LRRK2: variants seen among roughly 807,000 people sequenced by gnomAD.
The protein encoded by LRRK2 is leucine rich repeat kinase 2, also known as leucine-rich repeat serine/threonine-protein kinase 2.
LRRK2 carries 203 observed loss-of-function variants against 302.6 expected under a neutral mutation model. That is an observed-to-expected ratio of 0.67 (90% CI 0.60 to 0.75). LRRK2 has a LOEUF of 0.75. Among genes scored for constraint, LRRK2 ranks in the 30% least tolerant of loss-of-function variants. The pLI is 0.00. For missense variants in LRRK2, 2,830 were observed against 2,951.0 expected (o/e 0.96, Z 0.95); for synonymous variants, 1,066 against 1,031.9 (o/e 1.03, Z -0.63).
At chr12:40,251,675 G>A (rs1942280935) in intron 10 of LRRK2, 131 bp downstream of exon 10, 18 of 758,706 alleles carry the variant, frequency 2.4e-5, no homozygotes, top group African/African-American at 3.5e-5. Context: ...AGATGTTGCT[G>A]CAAAATAGTA....
At chr12:40,300,447 T>A (rs1032893118) in intron 25 of LRRK2, among the ~76,000 whole-genome samples, 9 of 152,242 alleles carry the variant, frequency 5.9e-5, no homozygotes, top group African/African-American at 1.7e-4. Context: ...GTGTTTATTC[T>A]ATACCTGACT....
intron 13 of LRRK2, among the ~76,000 whole-genome samples, chr12:40,260,861 A>T (rs1942739766): frequency 6.6e-6 from 1 of 152,168 alleles, no homozygotes; most frequent in Non-Finnish European, 1.5e-5. Context: ...ATGAGGGATG[A>T]TACTTTGTTC....
chr12:40,235,485 G>A (rs1171310468), intron 3 of LRRK2, 141 bp from the exon 4 acceptor site: 4 of 661,676 alleles, frequency 6.0e-6, no homozygotes, highest in Middle Eastern at 4.0e-4. Context: ...CTAAAAGCAG[G>A]CAACAAAAAC....
intron 33 of LRRK2, among the ~76,000 whole-genome samples, 174 bp downstream of exon 33, chr12:40,315,474 A>G (rs1347887169): frequency 6.6e-6 from 1 of 152,068 alleles, no homozygotes; most frequent in African/African-American, 2.4e-5. Context: ...TCATGGAAGA[A>G]GGAAAGATGT....
At chr12:40,284,688 T>G (rs1334946066) in intron 19 of LRRK2, among the ~76,000 whole-genome samples, 1 of 152,148 alleles carries the variant, frequency 6.6e-6, no homozygotes, top group Non-Finnish European at 1.5e-5. Context: ...AGTTACCATC[T>G]TCTGACACTA....
rs1946463038 is a variant in LRRK2 at position 40,354,376 on chromosome 12, G to A, written c.6654G>A (p.Gly2218=). ...AAAAGGAAAGCTGGATTGTGTCTGGGACACAGTCTGGTACTCTCCTGGTCA... is the reference window on the plus strand; with the variant it reads ...AAAAGGAAAGCTGGATTGTGTCTGGAACACAGTCTGGTACTCTCCTGGTCA... ...PVEKESWIVS[G]TQSGTLLVIN... is the part of the protein sequence containing the mutation. Residue 2218 remains glycine (G), a synonymous_variant, in exon 45 of 51, where the codon GGG becomes GGA. Coordinates refer to ENST00000298910, the MANE Select transcript of LRRK2 (RefSeq NM_198578.4). 1 of 1,613,984 alleles carries A rather than the reference G, an allele frequency of 6.2e-7. No homozygotes were observed. The highest frequency in any genetic ancestry group is 1.7e-5 in the Admixed American group (1 of 60,004).
intron 21 of LRRK2, among the ~76,000 whole-genome samples, chr12:40,294,642 G>T (rs959106139): frequency 6.6e-6 from 1 of 152,026 alleles, no homozygotes; most frequent in African/African-American, 2.4e-5. Flanking sequence ...AGGAGAAAGA[G>T]TAGATGCTTT....
At chr12:40,242,136 G>C (rs1275556118) in intron 6 of LRRK2, among the ~76,000 whole-genome samples, 1 of 152,034 alleles carries the variant, frequency 6.6e-6, no homozygotes, top group Non-Finnish European at 1.5e-5. Flanking sequence ...GAAATCAAAA[G>C]TTTTTAAAAC....
chr12:40,309,505 T>G (rs538174222), intron 30 of LRRK2, among the ~76,000 whole-genome samples: 1 of 152,258 alleles, frequency 6.6e-6, no homozygotes, highest in South Asian at 2.1e-4. Flanking sequence ...TCAACTGTTT[T>G]TTAATTATAT....
chr12:40,303,812 A>G (rs898738273), intron 26 of LRRK2, 136 bp from the exon 27 acceptor site: 3 of 812,402 alleles, frequency 3.7e-6, no homozygotes, highest in Non-Finnish European at 4.1e-6. Flanking sequence ...CTCAAATCAC[A>G]TGCATACTCA....
chr12:40,303,970 A>G lies in LRRK2; in HGVS notation c.3613A>G (p.Ser1205Gly). ...TAGCTTGCGGTCTTTAGATATGAGC[A>G]GCAATGATATTCAGTACCTACCAGG... is the stretch of plus-strand genomic sequence containing the variant. ...LPHLRSLDMS[S>G]NDIQYLPGPA... is the part of the protein sequence containing the mutation. Residue 1205 changes from serine (S) to glycine (G), a missense_variant, in exon 27 of 51, where the codon AGC becomes GGC. Coordinates refer to ENST00000298910, the MANE Select transcript of LRRK2 (RefSeq NM_198578.4). 6.2e-7 allele frequency: 1 copy of G among 1,613,766 alleles called. No homozygotes were observed. Among genetic ancestry groups the G allele is most frequent in the Non-Finnish European group, 8.5e-7 (1 of 1,179,758 alleles).
rs147801391 is a variant in LRRK2, at chr12:40,280,621, T to TTAAATAAAATAAAATAAAATAAAATAAAA, written c.2241+2364_2241+2365insTAAAATAAAATAAAATAAAATAAAATAAA. ...GCCTAGGCAACAGAGCCAGACCCTG[T>TTAAATAAAATAAAATAAAATAAAATAAAA]TAAAATAAAATAAAATAAAATAAAA... On this transcript the variant is annotated intron_variant, in intron 18 of 50. Transcript: ENST00000298910. 3.7e-4 allele frequency among the ~76,000 whole-genome samples: 49 copies of TTAAATAAAATAAAATAAAATAAAATAAAA among 132,634 alleles called. 1 individual carries two copies. Among genetic ancestry groups the TTAAATAAAATAAAATAAAATAAAATAAAA allele is most frequent in the South Asian group, 1.9e-3 (8 of 4,124 alleles). 87.0% of individuals were successfully genotyped at this position (132,634 alleles called of 152,430 possible).
Position 40,284,299 on chromosome 12 carries a change from C to T in LRRK2, c.2500+166C>T, listed in dbSNP as rs11829424. Among the ~76,000 whole-genome samples the T allele has an allele frequency of 8.5e-3, 1,269 of 149,116 alleles. 13 individuals carry two copies. Among genetic ancestry groups the T allele is most frequent in the African/African-American group, 0.03 (1,205 of 40,614 alleles). On this transcript the variant is annotated intron_variant, in intron 19 of 50. Coordinates refer to ENST00000298910, the MANE Select transcript of LRRK2 (RefSeq NM_198578.4). The stretch of plus-strand genomic sequence containing the variant: ...TTGGCTATGAAATACTTCAAAATGA[C>T]ATTTAAGTTCTTTATGAGATAGCAA...
chr12:40,237,859 G>T (rs1262883969), intron 4 of LRRK2, 110 bp from the exon 5 acceptor site: 7 of 1,143,840 alleles, frequency 6.1e-6, no homozygotes, highest in Non-Finnish European at 8.9e-6. Flanking sequence ...GAAAACCATG[G>T]GTCTACAAAC....
At chr12:40,346,300 A>T (rs1164714420) in intron 41 of LRRK2, among the ~76,000 whole-genome samples, 1 of 152,090 alleles carries the variant, frequency 6.6e-6, no homozygotes, top group Non-Finnish European at 1.5e-5. Context: ...GTTCAGGTTA[A>T]AGTGAGTTGG....
At position 40,363,454 on chromosome 12, in the gene LRRK2, A is replaced by G. The variant is rs759197762; in HGVS notation, c.7081A>G (p.Thr2361Ala). Residue 2361 changes from threonine to alanine, a missense_variant, in exon 48 of 51, where the codon ACT becomes GCT. Physicochemically the swap from Thr to Ala is moderately conservative, Grantham distance 58. Around this residue, in one of 3 missense-constraint regions of LRRK2, gnomAD observed 456 missense variants for 456.3 expected, o/e 1.00. Transcript: ENST00000298910. ...DSNIITVVVD[T>A]ALYIAKQNSP... The stretch of plus-strand genomic sequence containing the variant: ...CAACATCATAACAGTGGTGGTAGAC[A>G]CTGCTCTCTATATTGCTAAGCAAAA... 2 of 1,612,170 alleles carry G rather than the reference A, an allele frequency of 1.2e-6. No individual in the cohort carries two copies. The highest frequency in any genetic ancestry group is 1.1e-5 in the South Asian group (1 of 91,036).
At position 40,314,104 on chromosome 12, in the gene LRRK2, G is replaced by A. The variant is rs1404927444; in HGVS notation, c.4669G>A (p.Val1557Met). The A allele has an allele frequency of 1.9e-6, 3 of 1,612,770 alleles. No homozygotes were observed. In the South Asian group the frequency reaches 3.3e-5, roughly 18 times the overall value. Residue 1557 changes from valine (V) to methionine (M), a missense_variant, in exon 32 of 51, where the codon GTG becomes ATG. Physicochemically the swap from Val to Met is conservative, Grantham distance 21. Coordinates refer to ENST00000298910, the MANE Select transcript of LRRK2 (RefSeq NM_198578.4). ...VIDRKRLLQL[V>M]RENQLQLDEN... Reference sequence around the variant, plus strand: ...TGACCGGAAACGATTATTACAACTAGTGAGAGAAAATCAGCTGCAGTTAGA... The same window carrying A: ...TGACCGGAAACGATTATTACAACTAATGAGAGAAAATCAGCTGCAGTTAGA...
intron 18 of LRRK2, among the ~76,000 whole-genome samples, chr12:40,280,356 G>C (rs922381692): frequency 7.2e-5 from 11 of 152,194 alleles, no homozygotes; most frequent in African/African-American, 2.6e-4. Flanking sequence ...ATGCAGGGTG[G>C]CTCATGCCTG....
intron 7 of LRRK2, among the ~76,000 whole-genome samples, chr12:40,243,964 G>T (rs562058828): frequency 6.6e-6 from 1 of 152,156 alleles, no homozygotes; most frequent in East Asian, 1.9e-4. Flanking sequence ...TAGTTCTATA[G>T]ATGAGTTTTT....
Sources: gnomAD v4.1 joint callset for allele counts (sites outside exome capture counted in the v4.1 genomes callset) on GRCh38, gnomAD v4.1.1 for gene constraint, gnomAD v4.1.1 regional missense constraint, MANE v1.5 for transcripts, NCBI Gene and HGNC (gene_info 2026-07-23, HGNC 2026-07-21) for gene names.